Variants in IKZF2 observed in about 807,000 individuals in gnomAD.
The protein encoded by IKZF2 is zinc finger protein Helios.
IKZF2 carries 15 observed loss-of-function variants against 49.2 expected under a neutral mutation model. That is an observed-to-expected ratio of 0.30 (90% CI 0.20 to 0.47). The LOEUF (loss-of-function observed/expected upper bound fraction) is 0.47. IKZF2 is among the 20% of genes least tolerant of loss of function. The probability of loss-of-function intolerance (pLI) is 1.00; values close to 1 mark genes in which losing one functional copy is unlikely to be tolerated. For synonymous variants in IKZF2, 227 were observed against 221.4 expected, an observed-to-expected ratio of 1.03 and a Z score of -0.23; for missense variants, 567 against 664.6, an observed-to-expected ratio of 0.85 and a Z score of 1.61.
At chr2:213,126,286 T>C (rs1399039225) in intron 4 of IKZF2, among the ~76,000 whole-genome samples, 1 of 152,138 alleles carries the variant, frequency 6.6e-6, no homozygotes, top group Non-Finnish European at 1.5e-5. Context: ...ACTTTTCCCA[T>C]TTCTTCACAC....
intron 1 of IKZF2, among the ~76,000 whole-genome samples, 200 bp downstream of exon 1, chr2:213,151,213 A>ATAT (rs1235296989): frequency 2.0e-5 from 3 of 151,808 alleles, no homozygotes; most frequent in Non-Finnish European, 4.4e-5. Flanking sequence ...AAAAATACCT[A>ATAT]TATTATTATT....
rs1700698706 is a variant in IKZF2, at chr2:213,051,761, AT to A, written c.407-1882del. Among the ~76,000 whole-genome samples, 5 of 152,084 alleles carry A rather than the reference AT, an allele frequency of 3.3e-5. No individual in the cohort carries two copies. The South Asian group carries it at 6.2e-4, about 19-fold the overall frequency. On this transcript the variant is annotated intron_variant, in intron 5 of 8. Transcript: ENST00000434687. ...TTTTAAAGAAAAAGGAAAATAGCAA[AT>A]ATATATTATACTTTTCACTCCAAAA...
chr2:213,025,486 A>C (rs982956733), intron 6 of IKZF2, among the ~76,000 whole-genome samples: 6 of 152,158 alleles, frequency 3.9e-5, no homozygotes, highest in African/African-American at 1.4e-4. Flanking sequence ...TACTTATAAC[A>C]ACTGTGTTGT....
At chr2:213,078,976 G>C (rs770758857) in intron 4 of IKZF2, among the ~76,000 whole-genome samples, 1 of 152,198 alleles carries the variant, frequency 6.6e-6, no homozygotes, top group Non-Finnish European at 1.5e-5. Flanking sequence ...CCATCATTGT[G>C]ACGTTAAATC....
intron 8 of IKZF2, among the ~76,000 whole-genome samples, chr2:213,008,417 A>G (rs1441893682): frequency 6.6e-6 from 1 of 152,000 alleles, no homozygotes; most frequent in African/African-American, 2.4e-5. Flanking sequence ...TTTTTAGTAG[A>G]GATAGGGTTT....
At chr2:213,033,334 C>T (rs1698672630) in intron 6 of IKZF2, among the ~76,000 whole-genome samples, 1 of 152,152 alleles carries the variant, frequency 6.6e-6, no homozygotes, top group South Asian at 2.1e-4. Context: ...ATATCTTGAC[C>T]TTCTCAGATG....
chr2:213,015,388 T>C (rs752398047), intron 7 of IKZF2: 1 of 152,098 alleles, frequency 6.6e-6, no homozygotes, highest in Non-Finnish European at 1.5e-5. Context: ...AACAGATCAT[T>C]GTCTGCACTA....
intron 6 of IKZF2, among the ~76,000 whole-genome samples, chr2:213,034,640 T>C (rs1233282432): frequency 2.0e-5 from 3 of 152,190 alleles, no homozygotes; most frequent in Non-Finnish European, 4.4e-5. Context: ...CCAGCCTGTA[T>C]AGGTGTGGTT....
At position 213,096,982 on chromosome 2, in the gene IKZF2, G is replaced by A. The variant is rs563094738; in HGVS notation, c.140-39883C>T. On this transcript the variant is annotated intron_variant, in intron 4 of 8. Transcript: ENST00000434687. ...TTCATTGATTGGAAATAAATTTGTC[G>A]CGTTAATTATTAATTCCTGAGATTA... Among the ~76,000 whole-genome samples, 48 of 151,616 alleles carry A rather than the reference G, an allele frequency of 3.2e-4. No homozygotes were observed. The East Asian group carries it at 3.5e-3, about 11-fold the overall frequency.
intron 4 of IKZF2, among the ~76,000 whole-genome samples, chr2:213,124,236 G>GCA (rs1491584952): frequency 1.2e-5 from 1 of 84,610 alleles, no homozygotes; most frequent in East Asian, 5.3e-4. Context: ...ACGCACACAT[G>GCA]CGCTCGCGCG....
intron 4 of IKZF2, among the ~76,000 whole-genome samples, chr2:213,065,606 C>A (rs760168928): frequency 2.0e-5 from 3 of 151,890 alleles, no homozygotes; most frequent in Middle Eastern, 3.2e-3. Flanking sequence ...AATTTAGGTG[C>A]GTTATATATA....
intron 5 of IKZF2, among the ~76,000 whole-genome samples, chr2:213,053,668 A>G (rs1700881336): frequency 6.6e-6 from 1 of 152,172 alleles, no homozygotes; most frequent in South Asian, 2.1e-4. Context: ...AGGGAATTCT[A>G]TATGTATAAT....
chr2:213,022,959 G>C (rs1390576374), intron 6 of IKZF2, among the ~76,000 whole-genome samples: 2 of 151,894 alleles, frequency 1.3e-5, no homozygotes, highest in Non-Finnish European at 2.9e-5. Flanking sequence ...AAAAAACAAA[G>C]AAGAAAAATA....
chr2:213,142,146 C>G (rs2060897139), intron 4 of IKZF2, among the ~76,000 whole-genome samples: 1 of 151,866 alleles, frequency 6.6e-6, no homozygotes, highest in Admixed American at 6.6e-5. Flanking sequence ...ACTGGTATAT[C>G]TGGAACACCA....
At chr2:213,106,015 T>C (rs562438548) in intron 4 of IKZF2, among the ~76,000 whole-genome samples, 12 of 152,334 alleles carry the variant, frequency 7.9e-5, no homozygotes, top group African/African-American at 2.6e-4. Context: ...TTTTCTTCAA[T>C]CAGTATATTT....
In IKZF2 at chr2:213,005,182, G is replaced by T. The variant is rs1695224818; in HGVS notation, c.*2178C>A. On this transcript the variant is annotated 3_prime_UTR_variant, in exon 9 of 9. Coordinates refer to ENST00000434687, the MANE Select transcript of IKZF2 (RefSeq NM_001387220.1). ...ATGGCATCCCAATTATTATTTGGGA[G>T]TGGTTGGGTGGGGGGGGGTGAGCGA... 7.9e-6 allele frequency: 1 copy of T among 126,876 alleles called. No homozygotes were observed. Among genetic ancestry groups the T allele is most frequent in the African/African-American group, 2.7e-5 (1 of 36,370 alleles). 7.9% of individuals were successfully genotyped at this position (126,876 alleles called of 1,614,324 possible). A position where few individuals can be genotyped will look rare whatever the true frequency, so the allele number is the denominator to read the frequency against.
chr2:213,075,218 C>T (rs1467087022), intron 4 of IKZF2, among the ~76,000 whole-genome samples: 1 of 152,100 alleles, frequency 6.6e-6, no homozygotes, highest in Non-Finnish European at 1.5e-5. Context: ...GTAAATCTCA[C>T]TGGGAAAAGT....
At chr2:213,061,701 T>C (rs1358781464) in intron 4 of IKZF2, among the ~76,000 whole-genome samples, 1 of 151,480 alleles carries the variant, frequency 6.6e-6, no homozygotes, top group East Asian at 1.9e-4. Flanking sequence ...ACTTGCCTAA[T>C]ACTTTGTCAA....
chr2:213,090,260 C>G (rs1449057593), intron 4 of IKZF2, among the ~76,000 whole-genome samples: 1 of 152,148 alleles, frequency 6.6e-6, no homozygotes, highest in Non-Finnish European at 1.5e-5. Flanking sequence ...TGAATCAGGC[C>G]AGTGCGGCCA....
Sources: gnomAD v4.1 joint callset for allele counts (sites outside exome capture counted in the v4.1 genomes callset) on GRCh38, gnomAD v4.1.1 for gene constraint, MANE v1.5 for transcripts, NCBI Gene and HGNC (gene_info 2026-07-23, HGNC 2026-07-21) for gene names.